Variants in ATP9B observed in about 807,000 individuals in gnomAD.
ATP9B encodes probable phospholipid-transporting ATPase IIB.
ATP9B carries 110 observed loss-of-function variants against 146.1 expected under a neutral mutation model. That is an observed-to-expected ratio of 0.75 (90% CI 0.65 to 0.88). The LOEUF (loss-of-function observed/expected upper bound fraction) is 0.88. ATP9B is among the 40% of genes least tolerant of loss of function. ATP9B has a pLI of 0.00. For missense variants in ATP9B, 1,499 were observed against 1,496.4 expected (o/e 1.00, Z -0.03); for synonymous variants, 604 against 569.7 (o/e 1.06, Z -0.86).
intron 19 of ATP9B, among the ~76,000 whole-genome samples, chr18:79,340,657 T>C (rs1030004181): frequency 2.6e-5 from 4 of 152,234 alleles, no homozygotes; most frequent in African/African-American, 7.2e-5. Context: ...TTTGCTGTTA[T>C]ATATATCAAA....
chr18:79,248,505 G>A (rs898436692), intron 11 of ATP9B, among the ~76,000 whole-genome samples: 1 of 152,202 alleles, frequency 6.6e-6, no homozygotes, highest in Non-Finnish European at 1.5e-5. Context: ...CAGTTTTGTA[G>A]TCAGGGTCCA....
chr18:79,364,569 C>A (rs950448501), intron 26 of ATP9B, among the ~76,000 whole-genome samples: 22 of 152,206 alleles, frequency 1.4e-4, no homozygotes, highest in African/African-American at 5.3e-4. Flanking sequence ...GAAAATCCAC[C>A]CAAAGTGGAC....
intron 26 of ATP9B, among the ~76,000 whole-genome samples, chr18:79,366,808 G>A (rs1320572494): frequency 6.6e-6 from 1 of 152,228 alleles, no homozygotes; most frequent in Non-Finnish European, 1.5e-5. Context: ...GCTGAGGCAA[G>A]GGAAATACAA....
At chr18:79,157,049 T>A (rs1029078921) in intron 7 of ATP9B, among the ~76,000 whole-genome samples, 2 of 152,104 alleles carry the variant, frequency 1.3e-5, no homozygotes, top group Admixed American at 1.3e-4. Flanking sequence ...GTTAAGGCTT[T>A]TTTTGCATCT....
rs548171935 is a variant in ATP9B at position 79,177,316 on chromosome 18, G to A, written c.873+409G>A. 2.0e-5 allele frequency among the ~76,000 whole-genome samples: 3 copies of A among 152,184 alleles called. No homozygotes were observed. In the South Asian group the frequency reaches 6.2e-4, roughly 32 times the overall value. ...AGTAACATGATCATAGCTCACTGCA[G>A]CCTCAAACGCCTGGGCTCAAGTGAT... On this transcript the variant is annotated intron_variant, in intron 8 of 29. Transcript: ENST00000426216.
intron 1 of ATP9B, among the ~76,000 whole-genome samples, chr18:79,070,847 G>A (rs2146340261): frequency 6.6e-6 from 1 of 151,406 alleles, no homozygotes; most frequent in Middle Eastern, 3.4e-3. Context: ...ATGTTTGCAT[G>A]GTATTAGCTT....
chr18:79,100,550 A>C (rs947576866), intron 2 of ATP9B, among the ~76,000 whole-genome samples: 2 of 152,190 alleles, frequency 1.3e-5, no homozygotes, highest in African/African-American at 4.8e-5. Flanking sequence ...TTTTTTGATT[A>C]ATGTTTGCAT....
rs562574408 is a variant in ATP9B at position 79,152,742 on chromosome 18, G to A, written c.727-1762G>A. On this transcript the variant is annotated intron_variant, in intron 6 of 29. Transcript: ENST00000426216. ...GTTTACATTGAAGTCGAGGTCAGGTGTCGTCTCCCATCATCCCCTGACGGT... is the reference window on the plus strand; with the variant it reads ...GTTTACATTGAAGTCGAGGTCAGGTATCGTCTCCCATCATCCCCTGACGGT... Among the ~76,000 whole-genome samples the A allele has an allele frequency of 5.3e-5, 8 of 152,284 alleles. No individual in the cohort carries two copies. In the South Asian group the frequency reaches 1.7e-3, roughly 32 times the overall value.
At chr18:79,164,435 A>T (rs2147787441) in intron 7 of ATP9B, among the ~76,000 whole-genome samples, 1 of 152,192 alleles carries the variant, frequency 6.6e-6, no homozygotes, top group East Asian at 1.9e-4. Context: ...AAAATTGGTG[A>T]CTGGGCATGG....
intron 4 of ATP9B, among the ~76,000 whole-genome samples, chr18:79,124,903 G>T (rs1343897387): frequency 2.0e-5 from 3 of 152,142 alleles, no homozygotes; most frequent in African/African-American, 7.2e-5. Context: ...TAGGCCATCA[G>T]TGGGCTGAGG....
At chr18:79,090,917 C>A (rs1342586989) in intron 1 of ATP9B, among the ~76,000 whole-genome samples, 7 of 152,106 alleles carry the variant, frequency 4.6e-5, no homozygotes, top group Admixed American at 4.6e-4. Flanking sequence ...AGTTTGAGGT[C>A]TTAGATTTAA....
In ATP9B at chr18:79,363,111, A is replaced by G. The variant is rs183954166; in HGVS notation, c.3012+3649A>G. Reference sequence around the variant, plus strand: ...AGAAAATTCCAAGGAATCCACACACATACAACCTCCTATACTTGTAAACTT... The same window carrying G: ...AGAAAATTCCAAGGAATCCACACACGTACAACCTCCTATACTTGTAAACTT... On this transcript the variant is annotated intron_variant, in intron 26 of 29. Transcript: ENST00000426216. 16 of 152,382 alleles carry G rather than the reference A, an allele frequency of 1.0e-4. 1 individual carries two copies. In the East Asian group the frequency reaches 3.1e-3, roughly 29 times the overall value. The allele number at this position is 152,382 out of a possible 1,614,324, so 9.4% of individuals were successfully genotyped here. A position where few individuals can be genotyped will look rare whatever the true frequency, so the allele number is the denominator to read the frequency against.
At chr18:79,234,558 G>A (rs2095821690) in intron 11 of ATP9B, among the ~76,000 whole-genome samples, 1 of 151,882 alleles carries the variant, frequency 6.6e-6, no homozygotes, top group Admixed American at 6.6e-5. Context: ...CTTGCTGCGG[G>A]CGTGCTGCTG....
chr18:79,247,848 TGA>T (rs2095983807), intron 11 of ATP9B, among the ~76,000 whole-genome samples: 1 of 152,236 alleles, frequency 6.6e-6, no homozygotes, highest in Non-Finnish European at 1.5e-5. Context: ...GCTTAAATTC[TGA>T]GTATAGAATA....
At chr18:79,371,370 T>TAAA (rs59110010) in intron 26 of ATP9B, among the ~76,000 whole-genome samples, 11 of 98,084 alleles carry the variant, frequency 1.1e-4, no homozygotes, top group Non-Finnish European at 1.7e-4. Flanking sequence ...GACTCCGTCT[T>TAAA]AAAAAAAAAA....
intron 13 of ATP9B, among the ~76,000 whole-genome samples, chr18:79,288,612 A>G (rs1285842193): frequency 6.6e-6 from 1 of 152,136 alleles, no homozygotes; most frequent in East Asian, 1.9e-4. Context: ...TAGTCCATTT[A>G]CATTTAAAGT....
chr18:79,090,390 A>G lies in ATP9B; in HGVS notation c.120-6086A>G, dbSNP rs145651652. Reference sequence around the variant, plus strand: ...ATTGTACTAATTTACATTCCCACCAACAGTGTACAAGGGTTCCCTTTTGTC... The same window carrying G: ...ATTGTACTAATTTACATTCCCACCAGCAGTGTACAAGGGTTCCCTTTTGTC... On this transcript the variant is annotated intron_variant, in intron 1 of 29. Coordinates refer to ENST00000426216, the MANE Select transcript of ATP9B (RefSeq NM_198531.5). 1.0e-3 allele frequency among the ~76,000 whole-genome samples: 156 copies of G among 152,356 alleles called. 2 individuals are homozygous for G. Among genetic ancestry groups the G allele is most frequent in the African/African-American group, 3.6e-3 (151 of 41,588 alleles).
At chr18:79,139,844 G>A (rs988182121) in intron 5 of ATP9B, among the ~76,000 whole-genome samples, 1 of 152,016 alleles carries the variant, frequency 6.6e-6, no homozygotes, top group Non-Finnish European at 1.5e-5. Flanking sequence ...CCAGCCTCTG[G>A]TAATCACCCT....
intron 12 of ATP9B, among the ~76,000 whole-genome samples, chr18:79,261,792 C>T (rs9946030): frequency 0.12 from 17,566 of 152,124 alleles, 1,114 homozygotes; most frequent in East Asian, 0.18. Context: ...AGTTCAGTTT[C>T]CCGATATTCA....
Sources: gnomAD v4.1 joint callset for allele counts (sites outside exome capture counted in the v4.1 genomes callset) on GRCh38, gnomAD v4.1.1 for gene constraint, MANE v1.5 for transcripts, NCBI Gene and HGNC (gene_info 2026-07-23, HGNC 2026-07-21) for gene names.